GRIN2B: variants seen among roughly 807,000 people sequenced by gnomAD.
GRIN2B encodes the protein glutamate receptor ionotropic, NMDA 2B.
A neutral mutation model predicts 114.5 loss-of-function variants in GRIN2B; 5 were observed. The observed-to-expected ratio is 0.04, with a 90% CI of 0.02 to 0.09. The LOEUF (loss-of-function observed/expected upper bound fraction) is 0.09. Ranked by LOEUF, GRIN2B falls within the 10% of genes least tolerant of loss-of-function variation. The pLI, the probability that GRIN2B is intolerant of heterozygous loss-of-function variation, is 1.00. For missense variants in GRIN2B, 1,108 were observed against 1,943.5 expected, an observed-to-expected ratio of 0.57 and a Z score of 8.08; for synonymous variants, 787 against 745.1, an observed-to-expected ratio of 1.06 and a Z score of -0.92.
chr12:13,753,308 C>G lies in GRIN2B; in HGVS notation c.1010+9G>C, dbSNP rs1440346704. 1 of 1,456,486 alleles carries G rather than the reference C, an allele frequency of 6.9e-7. No individual in the cohort carries two copies. The highest frequency in any genetic ancestry group is 9.6e-7 in the Non-Finnish European group (1 of 1,036,402). The allele number at this position is 1,456,486 out of a possible 1,614,324, so 90.2% of individuals were successfully genotyped here. A position where few individuals can be genotyped will look rare whatever the true frequency, so the allele number is the denominator to read the frequency against. On this transcript the variant is annotated intron_variant, in intron 4 of 13. Coordinates refer to ENST00000609686, the MANE Select transcript of GRIN2B (RefSeq NM_000834.5). The surrounding 1 kb of genome is among the most constrained non-coding windows in gnomAD (Gnocchi z 6.2). ...TCCACCATCAATGTGCCCTCTGTTCCACACTCACCTATTTAGCATATTGGA... is the reference window on the plus strand; with the variant it reads ...TCCACCATCAATGTGCCCTCTGTTCGACACTCACCTATTTAGCATATTGGA...
rs879390251 is a variant in GRIN2B, at chr12:13,787,455, T to C, written c.412-33540A>G. 3.2e-4 allele frequency among the ~76,000 whole-genome samples: 49 copies of C among 152,206 alleles called. 1 individual carries two copies. Among genetic ancestry groups the C allele is most frequent in the Admixed American group, 5.9e-4 (9 of 15,284 alleles). ...AAACATCTGCATTATTTCAGGTGAC[T>C]TAACCCCCAGCGCCTCTCCCTGTGC... On this transcript the variant is annotated intron_variant, in intron 3 of 13. Transcript: ENST00000609686.
At chr12:13,878,436 C>G (rs1866023913) in intron 2 of GRIN2B, among the ~76,000 whole-genome samples, 1 of 152,206 alleles carries the variant, frequency 6.6e-6, no homozygotes, top group African/African-American at 2.4e-5. Context: ...CTGCTACTAG[C>G]TCCAGGATGC....
intron 5 of GRIN2B, among the ~76,000 whole-genome samples, chr12:13,661,452 A>G (rs1949923155): frequency 6.6e-6 from 1 of 152,186 alleles, no homozygotes; most frequent in African/African-American, 2.4e-5. Context: ...GTGTGCTTGC[A>G]TTTCCAAGGC....
At chr12:13,669,246 T>C (rs1458206388) in intron 5 of GRIN2B, among the ~76,000 whole-genome samples, 2 of 151,986 alleles carry the variant, frequency 1.3e-5, no homozygotes, top group Non-Finnish European at 2.9e-5. Context: ...CTCACTCTGG[T>C]TGTGTCTCAG....
chr12:13,951,558 C>A (rs938289996), intron 2 of GRIN2B, among the ~76,000 whole-genome samples: 107 of 152,278 alleles, frequency 7.0e-4, no homozygotes, highest in African/African-American at 2.3e-3. Context: ...CAAGCACATG[C>A]AATTCATGGT....
chr12:13,813,618 C>T (rs1349610893), intron 3 of GRIN2B, among the ~76,000 whole-genome samples: 1 of 152,184 alleles, frequency 6.6e-6, no homozygotes, highest in Non-Finnish European at 1.5e-5. Context: ...CAAGATTCTA[C>T]AGCAGATGAG....
intron 4 of GRIN2B, among the ~76,000 whole-genome samples, chr12:13,712,313 G>A (rs1046731480): frequency 6.6e-6 from 1 of 151,724 alleles, no homozygotes; most frequent in Non-Finnish European, 1.5e-5. Context: ...ACACCAACAT[G>A]GCACATGTAT....
intron 3 of GRIN2B, among the ~76,000 whole-genome samples, chr12:13,852,692 G>GAAAAA (rs56860420): frequency 8.3e-5 from 8 of 95,890 alleles, no homozygotes; most frequent in East Asian, 3.1e-4. Flanking sequence ...GAGAGATGAG[G>GAAAAA]AAAAAAAAAA....
rs1421074046 is a variant in GRIN2B, at chr12:13,953,046, T to G, written c.-19+26882A>C. 2.0e-5 allele frequency among the ~76,000 whole-genome samples: 3 copies of G among 151,842 alleles called. No homozygotes were observed. In the East Asian group the frequency reaches 5.8e-4, roughly 30 times the overall value. On this transcript the variant is annotated intron_variant, in intron 2 of 13. Coordinates refer to ENST00000609686, the MANE Select transcript of GRIN2B (RefSeq NM_000834.5). ...CCTCAGTTGAGAAGACCCAAGCATC[T>G]GGGAAGTGACTCCAGGGATGCATGC...
In GRIN2B at chr12:13,567,278, G is replaced by T. The variant is rs1555103197; in HGVS notation, c.2360-15C>A. Reference sequence around the variant, plus strand: ...TTCCATCTCCCCTGGGGAAAGGACAGAGAAGGAAAATGGATAAAAAGAGGA... The same window carrying T: ...TTCCATCTCCCCTGGGGAAAGGACATAGAAGGAAAATGGATAAAAAGAGGA... On this transcript the variant is annotated splice_polypyrimidine_tract_variant and intron_variant, in intron 12 of 13. Coordinates refer to ENST00000609686, the MANE Select transcript of GRIN2B (RefSeq NM_000834.5). 6.3e-7 allele frequency: 1 copy of T among 1,581,236 alleles called. No homozygotes were observed. Among genetic ancestry groups the T allele is most frequent in the Admixed American group, 1.7e-5 (1 of 59,926 alleles).
intron 2 of GRIN2B, among the ~76,000 whole-genome samples, chr12:13,952,363 C>T (rs550244325): frequency 5.3e-5 from 8 of 152,226 alleles, no homozygotes; most frequent in East Asian, 3.9e-4. Flanking sequence ...ATACAGTGTC[C>T]GCAGGAATCC....
rs78368391 is a variant in GRIN2B, at chr12:13,868,355, C to G, written c.-18-2129G>C. 5.2e-3 allele frequency among the ~76,000 whole-genome samples: 797 copies of G among 152,094 alleles called. 13 individuals are homozygous for G. Among genetic ancestry groups the G allele is most frequent in the African/African-American group, 0.018 (759 of 41,486 alleles). ...GAAACAGGGCCTGAATTCCTCCTCC[C>G]AGAACTTAAAGGAAAGAAACACTAG... On this transcript the variant is annotated intron_variant, in intron 2 of 13. Transcript: ENST00000609686.
chr12:13,702,708 A>G (rs1164250768), intron 4 of GRIN2B, among the ~76,000 whole-genome samples: 2 of 152,166 alleles, frequency 1.3e-5, no homozygotes, highest in African/African-American at 4.8e-5. Context: ...GGACCCCACA[A>G]GAGTTAAAGA....
intron 4 of GRIN2B, among the ~76,000 whole-genome samples, chr12:13,726,267 G>A (rs971900306): frequency 6.6e-6 from 1 of 152,038 alleles, no homozygotes; most frequent in Non-Finnish European, 1.5e-5. Flanking sequence ...GGGCACATTG[G>A]TTCATGCCTG....
chr12:13,728,646 G>A (rs1402285345), intron 4 of GRIN2B, among the ~76,000 whole-genome samples: 1 of 152,094 alleles, frequency 6.6e-6, no homozygotes, highest in South Asian at 2.1e-4. Context: ...TTAATGGCAG[G>A]AACCAGGTGT....
intron 2 of GRIN2B, among the ~76,000 whole-genome samples, chr12:13,975,525 C>T (rs1439568344): frequency 6.6e-6 from 1 of 152,204 alleles, no homozygotes; most frequent in African/African-American, 2.4e-5. Context: ...AGAGTAGATG[C>T]TTTCTAAAGT....
rs1321400265 is a variant in GRIN2B at position 13,616,665 on chromosome 12, A to T, written c.1126-8T>A. Reference sequence around the variant, plus strand: ...GTCTTTCCACTTCCCCACCTGCACAAGGATGAACACAAGAATCAGAAACCA... The same window carrying T: ...GTCTTTCCACTTCCCCACCTGCACATGGATGAACACAAGAATCAGAAACCA... On this transcript the variant is annotated splice_polypyrimidine_tract_variant and splice_region_variant and intron_variant, in intron 5 of 13. Coordinates refer to ENST00000609686, the MANE Select transcript of GRIN2B (RefSeq NM_000834.5). The T allele has an allele frequency of 1.2e-6, 2 of 1,606,912 alleles. No homozygotes were observed. The highest frequency in any genetic ancestry group is 1.7e-6 in the Non-Finnish European group (2 of 1,173,570).
chr12:13,814,608 T>C (rs914695396), intron 3 of GRIN2B, among the ~76,000 whole-genome samples: 1 of 152,162 alleles, frequency 6.6e-6, no homozygotes, highest in African/African-American at 2.4e-5. Context: ...ACCTATTTTT[T>C]CCTCCATTAT....
At chr12:13,634,384 A>T (rs970989237) in intron 5 of GRIN2B, 10 of 152,238 alleles carry the variant, frequency 6.6e-5, no homozygotes, top group African/African-American at 1.9e-4. Flanking sequence ...TTTCATTTCT[A>T]GCTCGTGTAA....
Sources: gnomAD v4.1 joint callset for allele counts (sites outside exome capture counted in the v4.1 genomes callset) on GRCh38, gnomAD v4.1.1 for gene constraint, Gnocchi (gnomAD v3.1) non-coding constraint, MANE v1.5 for transcripts, NCBI Gene and HGNC (gene_info 2026-07-23, HGNC 2026-07-21) for gene names.